LRRC8D: variants seen among roughly 807,000 people sequenced by gnomAD.
LRRC8D encodes the protein leucine rich repeat containing 8 VRAC subunit D, also known as volume-regulated anion channel subunit LRRC8D.
Under a neutral mutation model 55.8 loss-of-function variants are expected in LRRC8D, and 20 were observed. The ratio of observed to expected loss-of-function variants is 0.36; its 90% CI spans 0.25 to 0.52. The LOEUF (loss-of-function observed/expected upper bound fraction) is 0.52, where lower values mean the gene tolerates loss of function less well. Among genes scored for constraint, LRRC8D ranks in the 20% least tolerant of loss-of-function variants. LRRC8D has a pLI of 0.93. For missense variants in LRRC8D, 651 were observed against 1,030.8 expected, an observed-to-expected ratio of 0.63 and a Z score of 5.05; for synonymous variants, 352 against 377.0, an observed-to-expected ratio of 0.93 and a Z score of 0.77.
intron 2 of LRRC8D, among the ~76,000 whole-genome samples, chr1:89,858,507 A>G (rs1661617726): frequency 6.6e-6 from 1 of 152,230 alleles, no homozygotes; most frequent in South Asian, 2.1e-4. Flanking sequence ...CCAAACCCCA[A>G]TTAAGGTTTA....
chr1:89,920,451 T>G (rs1663382996), intron 2 of LRRC8D, among the ~76,000 whole-genome samples: 2 of 152,166 alleles, frequency 1.3e-5, no homozygotes, highest in African/African-American at 4.8e-5. Flanking sequence ...GAGTGTTTTT[T>G]TAAATCTTGA....
At chr1:89,830,936 C>T (rs1199677696) in intron 1 of LRRC8D, among the ~76,000 whole-genome samples, 26 of 141,722 alleles carry the variant, frequency 1.8e-4, no homozygotes, top group African/African-American at 6.9e-4. Context: ...GATGGAGTCT[C>T]ACTCTGTGGC....
chr1:89,850,555 G>A (rs1379832463), intron 2 of LRRC8D, among the ~76,000 whole-genome samples: 1 of 152,166 alleles, frequency 6.6e-6, no homozygotes, highest in African/African-American at 2.4e-5. Flanking sequence ...AGTTTGCAAA[G>A]GATAATGGCC....
intron 2 of LRRC8D, among the ~76,000 whole-genome samples, chr1:89,884,122 T>A (rs1662353581): frequency 6.6e-6 from 1 of 152,232 alleles, no homozygotes; most frequent in Non-Finnish European, 1.5e-5. Flanking sequence ...GCACGTTGTT[T>A]GAACGGCATC....
chr1:89,897,516 G>A (rs138808761), intron 2 of LRRC8D, among the ~76,000 whole-genome samples: 2 of 152,296 alleles, frequency 1.3e-5, no homozygotes, highest in East Asian at 3.9e-4. Flanking sequence ...AAATATTCAT[G>A]TGGTGTTTAA....
rs182544024 is a variant in LRRC8D at position 89,933,574 on chromosome 1, C to T, written c.506C>T (p.Ala169Val). The change falls in exon 3 of 3, where the codon GCT becomes GTT. Residue 169 changes from alanine to valine, a missense_variant. This residue lies in a region of LRRC8D where 178 missense variants were observed against 374.9 expected (regional missense o/e 0.47). Transcript: ENST00000337338. The surrounding 1 kb of genome is among the most constrained non-coding windows in gnomAD (Gnocchi z 7.0). ...TATTCTAAGTACTTTCCATACCTAG[C>T]TCTTATACATACTATTATTCTCATG... ...PWYSKYFPYL[A>V]LIHTIILMVS... The T allele has an allele frequency of 6.2e-7, 1 of 1,614,130 alleles. No homozygotes were observed. Among genetic ancestry groups the T allele is most frequent in the East Asian group, 2.2e-5 (1 of 44,886 alleles).
intron 2 of LRRC8D, among the ~76,000 whole-genome samples, chr1:89,868,948 C>A (rs1661923654): frequency 6.6e-6 from 1 of 152,036 alleles, no homozygotes; most frequent in Non-Finnish European, 1.5e-5. Flanking sequence ...ACTCTTTCGC[C>A]CAGGCTGGAG....
chr1:89,907,890 T>C (rs17446011), intron 2 of LRRC8D, among the ~76,000 whole-genome samples: 23,251 of 152,250 alleles, frequency 0.15, 2,217 homozygotes, highest in Middle Eastern at 0.23. Flanking sequence ...CAGTGACAGA[T>C]AGATGAATCA....
At chr1:89,860,168 TCTC>T (rs1433395300) in intron 2 of LRRC8D, among the ~76,000 whole-genome samples, 1 of 152,102 alleles carries the variant, frequency 6.6e-6, no homozygotes, top group African/African-American at 2.4e-5. Context: ...AGCTTACAAA[TCTC>T]CTACCTAAGG....
intron 2 of LRRC8D, among the ~76,000 whole-genome samples, chr1:89,918,128 A>G (rs998086547): frequency 5.9e-5 from 9 of 152,364 alleles, no homozygotes; most frequent in African/African-American, 2.2e-4. Flanking sequence ...CCCGTATAAA[A>G]TTGTCCGAAT....
chr1:89,837,605 T>G (rs1255327699), intron 1 of LRRC8D, among the ~76,000 whole-genome samples: 2 of 152,234 alleles, frequency 1.3e-5, no homozygotes, highest in African/African-American at 4.8e-5. Flanking sequence ...ATCTGTAATA[T>G]GAAGATAACA....
At chr1:89,912,524 C>A (rs1456285995) in intron 2 of LRRC8D, among the ~76,000 whole-genome samples, 2 of 151,620 alleles carry the variant, frequency 1.3e-5, no homozygotes, top group Non-Finnish European at 2.9e-5. Flanking sequence ...TGTTTACCTG[C>A]CTCTATAGAA....
chr1:89,903,792 T>C (rs1045979525), intron 2 of LRRC8D, among the ~76,000 whole-genome samples: 1 of 152,230 alleles, frequency 6.6e-6, no homozygotes. Flanking sequence ...GAATCTCTTA[T>C]TTTTATGAAC....
intron 2 of LRRC8D, among the ~76,000 whole-genome samples, chr1:89,891,604 A>G (rs1176291575): frequency 1.3e-5 from 2 of 152,136 alleles, no homozygotes; most frequent in East Asian, 1.9e-4. Flanking sequence ...TTGTCTTTCC[A>G]TCATTTCCTC....
At chr1:89,883,837 C>G (rs1662341767) in intron 2 of LRRC8D, among the ~76,000 whole-genome samples, 2 of 152,206 alleles carry the variant, frequency 1.3e-5, no homozygotes, top group South Asian at 4.1e-4. Flanking sequence ...CCTTCAGATT[C>G]TGTTCAGCAC....
At chr1:89,847,996 A>C (rs1287573367) in intron 2 of LRRC8D, among the ~76,000 whole-genome samples, 1 of 152,210 alleles carries the variant, frequency 6.6e-6, no homozygotes, top group Non-Finnish European at 1.5e-5. Context: ...TCCAGACTGA[A>C]AATGCTGAAA....
chr1:89,885,919 G>A (rs1662406978), intron 2 of LRRC8D, among the ~76,000 whole-genome samples: 1 of 152,188 alleles, frequency 6.6e-6, no homozygotes. Context: ...GTAACCTGAT[G>A]TGTCTTGGAC....
At chr1:89,885,099 T>C (rs1192537765) in intron 2 of LRRC8D, among the ~76,000 whole-genome samples, 1 of 152,240 alleles carries the variant, frequency 6.6e-6, no homozygotes, top group Non-Finnish European at 1.5e-5. Context: ...ATTGTGAATC[T>C]GTACCATCTG....
At chr1:89,895,879 C>T (rs1335660694) in intron 2 of LRRC8D, among the ~76,000 whole-genome samples, 2 of 152,144 alleles carry the variant, frequency 1.3e-5, no homozygotes, top group Non-Finnish European at 2.9e-5. Flanking sequence ...GTAGCATACT[C>T]AGCTCTACAG....
Sources: allele counts gnomAD v4.1 joint callset (sites outside exome capture counted in the v4.1 genomes callset), GRCh38; gene constraint gnomAD v4.1.1; regional missense constraint gnomAD v4.1.1; non-coding constraint Gnocchi (gnomAD v3.1); transcripts MANE v1.5; gene names NCBI Gene and HGNC (gene_info 2026-07-23, HGNC 2026-07-21).